FIG4: variants seen among roughly 807,000 people sequenced by gnomAD.
The protein encoded by FIG4 is polyphosphoinositide phosphatase.
In FIG4, 112 loss-of-function variants were observed where a neutral mutation model predicts 118.6. The observed-to-expected ratio is 0.94, with a 90% confidence interval of 0.81 to 1.11. The LOEUF (loss-of-function observed/expected upper bound fraction) is 1.11, where lower values mean the gene tolerates loss of function less well. Ranked by LOEUF, FIG4 falls within the 50% of genes least tolerant of loss-of-function variation. FIG4 has a pLI of 0.00. For synonymous variants in FIG4, 369 were observed against 381.2 expected (o/e 0.97, Z 0.37); for missense variants, 969 against 1,111.7 (o/e 0.87, Z 1.83).
chr6:109,813,408 G>A (rs1778774523), intron 22 of FIG4, among the ~76,000 whole-genome samples: 1 of 152,264 alleles, frequency 6.6e-6, no homozygotes, highest in East Asian at 1.9e-4. Flanking sequence ...TCCCTAAAAT[G>A]TCCTTAATTG....
intron 2 of FIG4, among the ~76,000 whole-genome samples, chr6:109,715,815 T>C (rs1408389124): frequency 2.0e-5 from 3 of 152,232 alleles, no homozygotes; most frequent in Non-Finnish European, 4.4e-5. Context: ...AATTCCTGTC[T>C]GTGACTATTT....
chr6:109,795,941 G>A (rs1778275416), intron 21 of FIG4, among the ~76,000 whole-genome samples: 1 of 152,090 alleles, frequency 6.6e-6, no homozygotes, highest in African/African-American at 2.4e-5. Flanking sequence ...ACCTCCCATG[G>A]GCAAATTAGA....
rs117696048 is a variant in FIG4, at chr6:109,799,088, C to T, written c.2546+2237C>T. Among the ~76,000 whole-genome samples, 1,221 of 152,286 alleles carry T rather than the reference C, an allele frequency of 8.0e-3. 7 individuals are homozygous for T. Among genetic ancestry groups the T allele is most frequent in the South Asian group, 0.014 (66 of 4,826 alleles). On this transcript the variant is annotated intron_variant, in intron 22 of 22. Coordinates refer to ENST00000230124, the MANE Select transcript of FIG4 (RefSeq NM_014845.6). ...CAAAATAAAAACAAAACATTTCCCCCGTTTTCTTAACATTATTTCTGATTT... is the reference window on the plus strand; with the variant it reads ...CAAAATAAAAACAAAACATTTCCCCTGTTTTCTTAACATTATTTCTGATTT...
At chr6:109,693,680 G>C (rs1774621444) in intron 1 of FIG4, among the ~76,000 whole-genome samples, 1 of 152,218 alleles carries the variant, frequency 6.6e-6, no homozygotes, top group Admixed American at 6.5e-5. Context: ...AAATCTGATC[G>C]ACTCAACTAT....
At chr6:109,763,799 G>A (rs769133047) in intron 12 of FIG4, 138 bp from the exon 13 acceptor site, 11 of 684,788 alleles carry the variant, frequency 1.6e-5, no homozygotes, top group Non-Finnish European at 2.9e-5. Context: ...AAGAATGAGA[G>A]TAGGCAGGAT....
chr6:109,752,731 A>G (rs199604183), intron 10 of FIG4, among the ~76,000 whole-genome samples: 2 of 152,082 alleles, frequency 1.3e-5, no homozygotes, highest in African/African-American at 4.8e-5. Flanking sequence ...TGTAGATTCT[A>G]GATATTAGCC....
intron 22 of FIG4, among the ~76,000 whole-genome samples, chr6:109,808,912 A>G (rs944963728): frequency 6.6e-6 from 1 of 152,172 alleles, no homozygotes; most frequent in African/African-American, 2.4e-5. Flanking sequence ...ATATGTTACC[A>G]TTTAGAAGAT....
chr6:109,696,744 G>A (rs1443051981), intron 1 of FIG4, among the ~76,000 whole-genome samples: 4 of 152,186 alleles, frequency 2.6e-5, no homozygotes, highest in Non-Finnish European at 5.9e-5. Flanking sequence ...GGAAGGGTAG[G>A]AAAGAGGGAA....
At chr6:109,736,736 G>C (rs958442458) in intron 6 of FIG4, among the ~76,000 whole-genome samples, 4 of 152,098 alleles carry the variant, frequency 2.6e-5, no homozygotes, top group African/African-American at 9.7e-5. Flanking sequence ...GTTTCTTCTT[G>C]TTGCTGTGAC....
intron 1 of FIG4, among the ~76,000 whole-genome samples, chr6:109,702,845 C>CA (rs1444806203): frequency 1.3e-5 from 2 of 152,186 alleles, no homozygotes; most frequent in East Asian, 3.9e-4. Flanking sequence ...AAAAATCTCT[C>CA]AACACATTCA....
At chr6:109,772,050 G>A (rs1033021761) in intron 15 of FIG4, among the ~76,000 whole-genome samples, 1 of 152,004 alleles carries the variant, frequency 6.6e-6, no homozygotes, top group African/African-American at 2.4e-5. Context: ...GCTCCACTTG[G>A]CAACTGCCCT....
intron 16 of FIG4, among the ~76,000 whole-genome samples, chr6:109,780,822 C>G (rs941200123): frequency 1.3e-5 from 2 of 152,188 alleles, no homozygotes; most frequent in African/African-American, 2.4e-5. Flanking sequence ...ACAAGGTCCT[C>G]TTGAGATAAG....
chr6:109,812,674 G>A (rs1315279474), intron 22 of FIG4, among the ~76,000 whole-genome samples: 1 of 152,144 alleles, frequency 6.6e-6, no homozygotes, highest in African/African-American at 2.4e-5. Flanking sequence ...TTCTGTGGGT[G>A]GTAGCCTTGC....
At chr6:109,715,057 G>T in intron 1 of FIG4, 21 bp from the exon 2 acceptor site, 1 of 1,368,654 alleles carries the variant, frequency 7.3e-7, no homozygotes, top group South Asian at 1.2e-5. Flanking sequence ...ATAAACTAAT[G>T]ACATTCCTTT....
At chr6:109,797,634 G>A (rs542519526) in intron 22 of FIG4, among the ~76,000 whole-genome samples, 43 of 152,146 alleles carry the variant, frequency 2.8e-4, no homozygotes, top group Middle Eastern at 3.4e-3. Context: ...GGTAGCTCAC[G>A]CCTGTAATCC....
At chr6:109,729,639 A>G (rs1775927335) in intron 4 of FIG4, among the ~76,000 whole-genome samples, 1 of 152,030 alleles carries the variant, frequency 6.6e-6, no homozygotes, top group South Asian at 2.1e-4. Context: ...ATGGCTGGGC[A>G]TGGTGGCTCA....
chr6:109,762,597 T>C (rs138514768), intron 12 of FIG4, among the ~76,000 whole-genome samples: 93 of 150,868 alleles, frequency 6.2e-4, no homozygotes, highest in Middle Eastern at 3.4e-3. Context: ...CTTTTATTAC[T>C]ATTTTGGGAG....
chr6:109,774,989 AAG>A (rs1777577869), intron 15 of FIG4, among the ~76,000 whole-genome samples: 1 of 152,188 alleles, frequency 6.6e-6, no homozygotes, highest in South Asian at 2.1e-4. Context: ...TCTAATTAAA[AAG>A]AATTGTTATA....
chr6:109,798,150 A>G (rs1044441218), intron 22 of FIG4, among the ~76,000 whole-genome samples: 1 of 152,192 alleles, frequency 6.6e-6, no homozygotes, highest in Non-Finnish European at 1.5e-5. Context: ...GCTCATAGTA[A>G]TTACTATTAC....
Sources: allele counts gnomAD v4.1 joint callset (sites outside exome capture counted in the v4.1 genomes callset), GRCh38; gene constraint gnomAD v4.1.1; transcripts MANE v1.5; gene names NCBI Gene and HGNC (gene_info 2026-07-23, HGNC 2026-07-21).